The following NLRC3 variants were observed in gnomAD, a reference collection of about 807,000 sequenced individuals.
The protein encoded by NLRC3 is NLR family CARD domain-containing protein 3.
NLRC3 carries 87 observed loss-of-function variants against 91.6 expected under a neutral mutation model. The ratio of observed to expected loss-of-function variants is 0.95; its 90% CI spans 0.80 to 1.14. The LOEUF (loss-of-function observed/expected upper bound fraction) is 1.14. NLRC3 is among the 50% of genes most tolerant of loss of function. The probability of loss-of-function intolerance (pLI) is 0.00; values close to 1 mark genes in which losing one functional copy is unlikely to be tolerated. For missense variants in NLRC3, 1,577 were observed against 1,418.6 expected, an observed-to-expected ratio of 1.11 and a Z score of -1.79; for synonymous variants, 694 against 625.3, an observed-to-expected ratio of 1.11 and a Z score of -1.64.
In NLRC3 at chr16:3,549,783, G is replaced by T. The variant is rs753522490; in HGVS notation, c.2436-3C>A. On this transcript the variant is annotated splice_polypyrimidine_tract_variant and splice_region_variant and intron_variant, in intron 11 of 19. Coordinates refer to ENST00000359128, the MANE Select transcript of NLRC3 (RefSeq NM_178844.4). ...CACTGATGGAATTGCTCTGCAGGCTGCGGAAAGAGGAGGCGCCCTGGGTGT... is the reference window on the plus strand; with the variant it reads ...CACTGATGGAATTGCTCTGCAGGCTTCGGAAAGAGGAGGCGCCCTGGGTGT... 1.4e-4 allele frequency: 214 copies of T among 1,549,446 alleles called. 1 individual carries two copies. The highest frequency in any genetic ancestry group is 1.8e-4 in the Non-Finnish European group (204 of 1,146,380).
chr16:3,548,778 G>A, intron 13 of NLRC3, 25 bp from the exon 14 acceptor site: 1 of 1,538,480 alleles, frequency 6.5e-7, no homozygotes, highest in Non-Finnish European at 8.9e-7. Flanking sequence ...ACAGGAGCAA[G>A]TGAGCCGGGG....
Position 3,570,853 on chromosome 16 carries a change from G to T in NLRC3, c.-168-3529C>A, listed in dbSNP as rs180818877. On this transcript the variant is annotated intron_variant, in intron 1 of 19. Transcript: ENST00000359128. ...TTCTAAGTATGGAGGGGAGCCACTG[G>T]GGGGAGTGACATGAGCAATGGATAT... Among the ~76,000 whole-genome samples, 6 of 152,244 alleles carry T rather than the reference G, an allele frequency of 3.9e-5. No individual in the cohort carries two copies. The East Asian group carries it at 5.8e-4, about 15-fold the overall frequency.
rs546086526 is a variant in NLRC3 at position 3,543,562 on chromosome 16, C to T, written c.2856-54G>A. 2.5e-5 allele frequency: 30 copies of T among 1,201,990 alleles called. No individual in the cohort carries two copies. The African/African-American group carries it at 4.2e-4, about 17-fold the overall frequency. 74.5% of individuals were successfully genotyped at this position (1,201,990 alleles called of 1,614,324 possible). A position where few individuals can be genotyped will look rare whatever the true frequency, so the allele number is the denominator to read the frequency against. On this transcript the variant is annotated intron_variant, in intron 16 of 19. Coordinates refer to ENST00000359128, the MANE Select transcript of NLRC3 (RefSeq NM_178844.4). ...AGCCGGCTGGGCCCACCTCCCTCCG[C>T]ATACTCCGTTCCCTTTCACCACCCC... is the stretch of plus-strand genomic sequence containing the variant.
chr16:3,543,150 A>G, intron 17 of NLRC3: 1 of 494,948 alleles, frequency 2.0e-6, no homozygotes, highest in East Asian at 3.7e-5. Flanking sequence ...AGGACTTTGG[A>G]TCTGCCCAGA....
intron 1 of NLRC3, among the ~76,000 whole-genome samples, chr16:3,576,811 C>T (rs1358636351): frequency 1.3e-5 from 2 of 152,106 alleles, no homozygotes; most frequent in Non-Finnish European, 2.9e-5. Context: ...GGATTACAGG[C>T]GTCTGCCAAC....
At chr16:3,559,296 C>T (rs1054168284) in intron 6 of NLRC3, among the ~76,000 whole-genome samples, 4 of 152,132 alleles carry the variant, frequency 2.6e-5, no homozygotes, top group Non-Finnish European at 5.9e-5. Flanking sequence ...GGATCAACTA[C>T]AGAGAGAGGT....
intron 1 of NLRC3, among the ~76,000 whole-genome samples, chr16:3,571,353 C>A (rs1463804136): frequency 6.6e-6 from 1 of 150,652 alleles, no homozygotes; most frequent in African/African-American, 2.4e-5. Flanking sequence ...GAAGTGTCAG[C>A]CTGGGCAACA....
At position 3,563,156 on chromosome 16, in the gene NLRC3, C is replaced by G; in HGVS notation, c.1781G>C (p.Arg594Thr). The G allele has an allele frequency of 6.3e-7, 1 of 1,590,328 alleles. No homozygotes were observed. Among genetic ancestry groups the G allele is most frequent in the Non-Finnish European group, 8.5e-7 (1 of 1,170,616 alleles). ...EEAMESGALA[R>T]LTGPAHRAAL... ...AGCGCGGTGCGCGGGACCAGTCAGC[C>G]TGGCCAGGGCCCCGCTCTCCATGGC... is the stretch of plus-strand genomic sequence containing the variant. The change falls in exon 5 of 20, where the codon AGG becomes ACG. Residue 594 changes from arginine (R) to threonine (T), a missense_variant. Coordinates refer to ENST00000359128, the MANE Select transcript of NLRC3 (RefSeq NM_178844.4).
chr16:3,551,286 A>G (rs1169974321), intron 10 of NLRC3, among the ~76,000 whole-genome samples: 1 of 150,602 alleles, frequency 6.6e-6, no homozygotes, highest in African/African-American at 2.5e-5. Flanking sequence ...CCATCCATCT[A>G]TCCACTCACC....
chr16:3,542,916 A>C, intron 17 of NLRC3, 141 bp from the exon 18 acceptor site: 1 of 613,398 alleles, frequency 1.6e-6, no homozygotes. Context: ...TGCCTTCCTC[A>C]CTCCAGGGCA....
In NLRC3 at chr16:3,546,923, C is replaced by T. The variant is rs140614558; in HGVS notation, c.2771+1212G>A. 6.3e-4 allele frequency among the ~76,000 whole-genome samples: 96 copies of T among 152,114 alleles called. 1 individual carries two copies. The highest frequency in any genetic ancestry group is 6.8e-3 in the Middle Eastern group (2 of 294). On this transcript the variant is annotated intron_variant, in intron 15 of 19. Coordinates refer to ENST00000359128, the MANE Select transcript of NLRC3 (RefSeq NM_178844.4). ...AAGAGCCAAACAGAAGAAAAGAGGA[C>T]GAGGCCCAGACAGAGGGGACATCCT... is the stretch of plus-strand genomic sequence containing the variant.
intron 8 of NLRC3, 38 bp from the exon 9 acceptor site, chr16:3,554,363 GA>G: frequency 6.6e-7 from 1 of 1,523,114 alleles, no homozygotes. Flanking sequence ...TGATGGAGCA[GA>G]AGCTGGAACC....
rs894771759 is a variant in NLRC3 at position 3,563,261 on chromosome 16, G to A, written c.1676C>T (p.Ala559Val). 1.2e-6 allele frequency: 2 copies of A among 1,606,274 alleles called. No individual in the cohort carries two copies. The highest frequency in any genetic ancestry group is 2.7e-5 in the African/African-American group (2 of 74,868). ...CACGTTGATGGCCCGTGCACAGACTGCGGCATCGGGGCGCAGGCAGCCCTG... is the reference window on the plus strand; with the variant it reads ...CACGTTGATGGCCCGTGCACAGACTACGGCATCGGGGCGCAGGCAGCCCTG... ...LLQGCLRPDA[A>V]VCARAINVLH... Residue 559 changes from alanine to valine, a missense_variant, in exon 5 of 20, where the codon GCA (alanine) becomes GTA (valine). By Grantham distance (64) the Ala-to-Val change is moderately conservative (BLOSUM62 0). Coordinates refer to ENST00000359128, the MANE Select transcript of NLRC3 (RefSeq NM_178844.4).
chr16:3,542,641 G>C, intron 18 of NLRC3, 51 bp downstream of exon 18: 1 of 1,108,840 alleles, frequency 9.0e-7, no homozygotes. Flanking sequence ...GGAGGACCCA[G>C]CAGAGAACTC....
At chr16:3,565,151 G>T in intron 3 of NLRC3, 91 bp from the exon 4 acceptor site, 1 of 967,200 alleles carries the variant, frequency 1.0e-6, no homozygotes, top group Non-Finnish European at 1.6e-6. Context: ...CGGGGTCAGG[G>T]ATCCCCTCTT....
chr16:3,552,059 A>T, intron 10 of NLRC3, 137 bp downstream of exon 10: 1 of 628,268 alleles, frequency 1.6e-6, no homozygotes, highest in Non-Finnish European at 2.9e-6. Flanking sequence ...TCACCCATCC[A>T]TCCATCCACC....
chr16:3,559,982 C>A (rs1419889003), intron 6 of NLRC3, among the ~76,000 whole-genome samples: 1 of 152,152 alleles, frequency 6.6e-6, no homozygotes, highest in Non-Finnish European at 1.5e-5. Context: ...TCTTAAGGCA[C>A]AGAAATGACT....
Position 3,563,053 on chromosome 16 carries a change from G to A in NLRC3, c.1884C>T (p.Val628=). The A allele has an allele frequency of 6.4e-7, 1 of 1,560,904 alleles. No individual in the cohort carries two copies. Among genetic ancestry groups the A allele is most frequent in the Non-Finnish European group, 8.7e-7 (1 of 1,153,032 alleles). Residue 628 remains valine (V), a synonymous_variant, in exon 5 of 20, where the codon GTC becomes GTT. Coordinates refer to ENST00000359128, the MANE Select transcript of NLRC3 (RefSeq NM_178844.4). ...ANLSLSLSQG[V]LQSLLPQLLY... ...GCAGCTGGGGCAGCAGGCTCTGAAG[G>A]ACGCCCTGGCTGAGGCTCAGGGACA...
At chr16:3,552,484 AG>A (rs2039068291) in intron 9 of NLRC3, among the ~76,000 whole-genome samples, 1 of 152,328 alleles carries the variant, frequency 6.6e-6, no homozygotes, top group East Asian at 1.9e-4. Flanking sequence ...GTAAGGGGTC[AG>A]GGCAGCTGAG....
Sources: gnomAD v4.1 joint callset for allele counts (sites outside exome capture counted in the v4.1 genomes callset) on GRCh38, gnomAD v4.1.1 for gene constraint, MANE v1.5 for transcripts, NCBI Gene and HGNC (gene_info 2026-07-23, HGNC 2026-07-21) for gene names.